Variants in PTPRN2 observed in about 807,000 individuals in gnomAD.
The protein encoded by PTPRN2 is protein tyrosine phosphatase receptor type N2, also known as receptor-type tyrosine-protein phosphatase N2.
Under a neutral mutation model 118.8 loss-of-function variants are expected in PTPRN2, and 74 were observed. That is an observed-to-expected ratio of 0.62 (90% CI 0.52 to 0.76). PTPRN2 has a LOEUF of 0.76. PTPRN2 is among the 30% of genes least tolerant of loss of function. PTPRN2 has a pLI of 0.00. For missense variants in PTPRN2, 1,481 were observed against 1,394.4 expected (o/e 1.06, Z -0.99); for synonymous variants, 641 against 608.0 (o/e 1.05, Z -0.80).
At chr7:157,743,241 G>A (rs943377745) in intron 12 of PTPRN2, among the ~76,000 whole-genome samples, 2 of 152,220 alleles carry the variant, frequency 1.3e-5, no homozygotes, top group African/African-American at 4.8e-5. Context: ...AAAGGTCAGA[G>A]ACTTAGATGC....
chr7:157,954,798 C>T (rs1801081078), intron 11 of PTPRN2, among the ~76,000 whole-genome samples: 1 of 152,160 alleles, frequency 6.6e-6, no homozygotes, highest in Non-Finnish European at 1.5e-5. Flanking sequence ...CACAGAAGTT[C>T]TTTCTGGTAT....
At chr7:158,538,968 AC>A (rs1194312245) in intron 1 of PTPRN2, among the ~76,000 whole-genome samples, 2 of 151,950 alleles carry the variant, frequency 1.3e-5, no homozygotes, top group East Asian at 1.9e-4. Context: ...GGCAGCACGA[AC>A]CCCCCAGGGC....
intron 1 of PTPRN2, among the ~76,000 whole-genome samples, chr7:158,580,295 C>T (rs1828555556): frequency 6.6e-6 from 1 of 152,232 alleles, no homozygotes; most frequent in Admixed American, 6.5e-5. Context: ...TTATTAGCGG[C>T]TCCATCCATT....
At chr7:157,761,511 A>G (rs889705232) in intron 12 of PTPRN2, among the ~76,000 whole-genome samples, 1 of 151,616 alleles carries the variant, frequency 6.6e-6, no homozygotes, top group African/African-American at 2.4e-5. Flanking sequence ...AGGATTCCCT[A>G]TTTAATGAAT....
chr7:158,138,336 C>G lies in PTPRN2; in HGVS notation c.1090G>C (p.Ala364Pro). The G allele has an allele frequency of 6.2e-7, 1 of 1,613,690 alleles. No individual in the cohort carries two copies. The highest frequency in any genetic ancestry group is 2.2e-5 in the East Asian group (1 of 44,860). ...CGGAGGGTGGCCTTGGGGCCATCCG[C>G]CTGTTCTCCAGACTCTCCCAGGGCC... ...RAALGESGEQ[A>P]DGPKATLRGD... is the part of the protein sequence containing the mutation. Residue 364 changes from alanine to proline, a missense_variant, in exon 7 of 23, where the codon GCG becomes CCG. Coordinates refer to ENST00000389418, the MANE Select transcript of PTPRN2 (RefSeq NM_002847.5).
intron 11 of PTPRN2, among the ~76,000 whole-genome samples, chr7:157,905,320 C>G (rs1226175728): frequency 6.6e-6 from 1 of 152,140 alleles, no homozygotes; most frequent in Non-Finnish European, 1.5e-5. Context: ...CCATCAAATG[C>G]CAGGTCTGAG....
At chr7:158,340,959 C>T (rs1385347924) in intron 2 of PTPRN2, among the ~76,000 whole-genome samples, 14 of 83,608 alleles carry the variant, frequency 1.7e-4, no homozygotes, top group South Asian at 1.1e-3. Flanking sequence ...TAAGAGCTGA[C>T]GCCCGCAGAT....
chr7:158,055,054 A>C (rs1379722267), intron 11 of PTPRN2, among the ~76,000 whole-genome samples: 1 of 152,230 alleles, frequency 6.6e-6, no homozygotes, highest in African/African-American at 2.4e-5. Flanking sequence ...CAGTGTAATA[A>C]AATATGTAAA....
intron 12 of PTPRN2, among the ~76,000 whole-genome samples, chr7:157,843,675 A>C (rs1808593356): frequency 6.6e-6 from 1 of 152,204 alleles, no homozygotes; most frequent in Admixed American, 6.5e-5. Flanking sequence ...ATTTGGGAAC[A>C]CACATTAACC....
intron 11 of PTPRN2, among the ~76,000 whole-genome samples, chr7:158,062,735 G>A (rs1393450620): frequency 6.6e-6 from 1 of 152,218 alleles, no homozygotes; most frequent in African/African-American, 2.4e-5. Flanking sequence ...TGCGGAGGGT[G>A]TGCCGGTTCC....
intron 14 of PTPRN2, among the ~76,000 whole-genome samples, chr7:157,640,963 G>T (rs1347104918): frequency 1.3e-5 from 2 of 152,200 alleles, no homozygotes; most frequent in African/African-American, 4.8e-5. Flanking sequence ...GAATGGTGAT[G>T]GGGGGAGAGG....
At chr7:157,565,091 T>C (rs1373836294) in intron 21 of PTPRN2, among the ~76,000 whole-genome samples, 1 of 152,228 alleles carries the variant, frequency 6.6e-6, no homozygotes, top group Non-Finnish European at 1.5e-5. Context: ...TTAGATGAGG[T>C]GCGTAGTATA....
intron 11 of PTPRN2, among the ~76,000 whole-genome samples, chr7:158,059,364 C>G (rs866327301): frequency 0.023 from 2,267 of 97,334 alleles, 53 homozygotes; most frequent in African/African-American, 0.044. Flanking sequence ...CACACGGTGA[C>G]GCATCACTGC....
chr7:158,147,824 C>G (rs1223570408), intron 6 of PTPRN2, among the ~76,000 whole-genome samples: 1 of 119,938 alleles, frequency 8.3e-6, no homozygotes, highest in African/African-American at 3.4e-5. Context: ...GTCTTTCCCC[C>G]TCAATGACAC....
chr7:158,401,977 T>C (rs1662689224), intron 2 of PTPRN2, among the ~76,000 whole-genome samples: 2 of 151,884 alleles, frequency 1.3e-5, no homozygotes, highest in South Asian at 4.2e-4. Context: ...GTCTGGCCGG[T>C]GCCCAGAGCC....
intron 2 of PTPRN2, 25 bp from the exon 3 acceptor site, chr7:158,316,957 C>T: frequency 6.5e-7 from 1 of 1,540,964 alleles, no homozygotes; most frequent in Non-Finnish European, 8.9e-7. Context: ...GGAGATAAGA[C>T]AGAACGAGAC....
intron 3 of PTPRN2, among the ~76,000 whole-genome samples, chr7:158,293,301 G>A (rs1413878643): frequency 6.6e-6 from 1 of 152,008 alleles, no homozygotes; most frequent in Non-Finnish European, 1.5e-5. Context: ...TTTGGGCTGG[G>A]CACGGTGACT....
intron 1 of PTPRN2, among the ~76,000 whole-genome samples, chr7:158,548,000 G>C (rs1407994956): frequency 6.6e-6 from 1 of 152,242 alleles, no homozygotes; most frequent in African/African-American, 2.4e-5. Context: ...CGAGGACCTG[G>C]ATCCCGGGGC....
At chr7:158,117,500 G>A in intron 9 of PTPRN2, among the ~76,000 whole-genome samples, 1 of 152,168 alleles carries the variant, frequency 6.6e-6, no homozygotes, top group East Asian at 1.9e-4. Flanking sequence ...AAGGGGCAGA[G>A]AAAATACTTG....
Sources: gnomAD v4.1 joint callset for allele counts (sites outside exome capture counted in the v4.1 genomes callset) on GRCh38, gnomAD v4.1.1 for gene constraint, MANE v1.5 for transcripts, NCBI Gene and HGNC (gene_info 2026-07-23, HGNC 2026-07-21) for gene names.